The following FABP6 variants were observed in gnomAD, a reference collection of about 807,000 sequenced individuals.
FABP6 encodes the protein fatty acid binding protein 6.
A neutral mutation model predicts 14.9 loss-of-function variants in FABP6; 13 were observed. The ratio of observed to expected loss-of-function variants is 0.87; its 90% CI spans 0.57 to 1.39. The LOEUF is 1.39. Ranked by LOEUF, FABP6 falls within the 40% of genes most tolerant of loss-of-function variation. The pLI, the probability that FABP6 is intolerant of heterozygous loss-of-function variation, is 0.00. For missense variants in FABP6, 161 were observed against 167.2 expected, an observed-to-expected ratio of 0.96 and a Z score of 0.20; for synonymous variants, 75 against 63.6, an observed-to-expected ratio of 1.18 and a Z score of -0.85.
chr5:160,227,552 G>A (rs549059427), upstream of FABP6, among the ~76,000 whole-genome samples: 6 of 149,230 alleles, frequency 4.0e-5, no homozygotes, highest in African/African-American at 1.5e-4. Context: ...AAGGCATGGT[G>A]GCATGTACTT....
At chr5:160,199,285 A>C (rs890959629) in intron 2 of FABP6, 13 of 915,194 alleles carry the variant, frequency 1.4e-5, no homozygotes, top group Non-Finnish European at 1.9e-5. Context: ...CAGACTTGTC[A>C]TGGCTCCAAA....
At chr5:160,214,352 A>G (rs1759970516) in intron 3 of FABP6, among the ~76,000 whole-genome samples, 1 of 151,744 alleles carries the variant, frequency 6.6e-6, no homozygotes, top group Non-Finnish European at 1.5e-5. Flanking sequence ...TTTTGTAGAG[A>G]CACAGTCTTG....
intron 3 of FABP6, among the ~76,000 whole-genome samples, chr5:160,235,747 C>A (rs1561758156): frequency 6.6e-6 from 1 of 152,130 alleles, no homozygotes; most frequent in East Asian, 1.9e-4. Context: ...GTTTGTGTGA[C>A]CCCTTTGCTT....
intron 3 of FABP6, among the ~76,000 whole-genome samples, chr5:160,236,336 G>A (rs565808864): frequency 7.2e-5 from 11 of 152,024 alleles, no homozygotes; most frequent in Non-Finnish European, 1.5e-4. Flanking sequence ...TGTTATGAGG[G>A]CACTAATCCT....
intron 2 of FABP6, among the ~76,000 whole-genome samples, chr5:160,209,374 T>G (rs1321546951): frequency 6.6e-6 from 1 of 151,796 alleles, no homozygotes. Context: ...AAAACAAAAA[T>G]TAGTCGGGTG....
intron 3 of FABP6, among the ~76,000 whole-genome samples, chr5:160,235,265 G>A (rs979845044): frequency 6.6e-6 from 1 of 152,138 alleles, no homozygotes; most frequent in East Asian, 1.9e-4. Context: ...ATAAATAAAG[G>A]AGGTGGTCCA....
chr5:160,232,664 A>G (rs1480248452), intron 2 of FABP6, among the ~76,000 whole-genome samples: 2 of 152,106 alleles, frequency 1.3e-5, no homozygotes, highest in Admixed American at 1.3e-4. Context: ...TGGGAGGCCG[A>G]GGTGGGTGGA....
intron 3 of FABP6, among the ~76,000 whole-genome samples, chr5:160,237,531 A>G (rs973797307): frequency 1.3e-5 from 2 of 151,910 alleles, no homozygotes; most frequent in African/African-American, 2.4e-5. Flanking sequence ...GCATTTTGTA[A>G]GCATCCCTCC....
At position 160,214,754 on chromosome 5, in the gene FABP6, G is replaced by A. The variant is rs529429313; in HGVS notation, c.135+935G>A. Among the ~76,000 whole-genome samples, 7 of 151,304 alleles carry A rather than the reference G, an allele frequency of 4.6e-5. No homozygotes were observed. In the East Asian group the frequency reaches 1.2e-3, roughly 26 times the overall value. On this transcript the variant is annotated intron_variant, in intron 3 of 6. Transcript: ENST00000393980. ...GGATCACTTGAGCCCAGGAGTTCACGACCAGCATGGGCAACATAGGGAGAC... is the reference window on the plus strand; with the variant it reads ...GGATCACTTGAGCCCAGGAGTTCACAACCAGCATGGGCAACATAGGGAGAC...
At chr5:160,213,809 A>C (rs553884633) in exon 3 of FABP6, 3 of 1,613,622 alleles carry the variant, frequency 1.9e-6, no homozygotes, top group Non-Finnish European at 2.5e-6. Context: ...AAACAGACAC[A>C]TAAAGGAAAG....
chr5:160,197,944 GTGTGTGTGTATGTGTGTGTGTGTGTGTA>G (rs1223633020), intron 1 of FABP6: 3 of 147,054 alleles, frequency 2.0e-5, no homozygotes, highest in Non-Finnish European at 4.4e-5. Flanking sequence ...GTGTGTGTGT[GTGTGTGTGTATGTGTGTGTGTGTGTGTA>G]TGTGTGTGTG....
upstream of FABP6, chr5:160,229,365 T>C: frequency 7.5e-7 from 1 of 1,337,410 alleles, no homozygotes; most frequent in Non-Finnish European, 9.8e-7. Flanking sequence ...ACCTCGGGGC[T>C]CTGTCCCTCC....
At chr5:160,214,108 TTTCTTTCTTTC>T (rs1213584545) in intron 3 of FABP6, among the ~76,000 whole-genome samples, 1 of 134,070 alleles carries the variant, frequency 7.5e-6, no homozygotes, top group African/African-American at 3.0e-5. Context: ...TCTTTCTTTC[TTTCTTTCTTTC>T]TTTCTTTCTT....
rs1401737485 is a variant in FABP6, at chr5:160,238,709, T to A, written c.*50T>A. 5.1e-6 allele frequency: 8 copies of A among 1,574,766 alleles called. No individual in the cohort carries two copies. Among genetic ancestry groups the A allele is most frequent in the South Asian group, 3.3e-5 (3 of 90,200 alleles). On this transcript the variant is annotated 3_prime_UTR_variant, in exon 4 of 4. Coordinates refer to ENST00000402432, the MANE Select transcript of FABP6 (RefSeq NM_001445.3). Reference sequence around the variant, plus strand: ...TACAAACCCACCAATAAAACTGATATAAGGACAGACGCTGCTCGCTCCAGA... The same window carrying A: ...TACAAACCCACCAATAAAACTGATAAAAGGACAGACGCTGCTCGCTCCAGA...
chr5:160,234,912 G>T lies in FABP6; in HGVS notation c.333+3G>T. On this transcript the variant is annotated splice_donor_region_variant and intron_variant, in intron 3 of 3. Transcript: ENST00000402432. ...TCGTGGGTGACAAGCTGGTGGAGGT[G>T]AGTGTCATGCTGATTCCTGGGATGA... 1 of 1,609,812 alleles carries T rather than the reference G, an allele frequency of 6.2e-7. No individual in the cohort carries two copies. The highest frequency in any genetic ancestry group is 8.5e-7 in the Non-Finnish European group (1 of 1,177,742).
At position 160,200,091 on chromosome 5, in the gene FABP6, G is replaced by T. The variant is rs867730961; in HGVS notation, c.51+934G>T. ...AGCAGTGAAACTAGTGTGAAGTCTG[G>T]GTTCAAATTCCATCTCTGCTGCTTA... is the stretch of plus-strand genomic sequence containing the variant. On this transcript the variant is annotated intron_variant, in intron 2 of 6. Transcript: ENST00000393980. Among the ~76,000 whole-genome samples, 3 of 152,312 alleles carry T rather than the reference G, an allele frequency of 2.0e-5. No individual in the cohort carries two copies. In the South Asian group the frequency reaches 6.2e-4, roughly 32 times the overall value.
chr5:160,225,162 TGTC>T (rs1760216253), upstream of FABP6, among the ~76,000 whole-genome samples: 1 of 151,970 alleles, frequency 6.6e-6, no homozygotes, highest in South Asian at 2.1e-4. Context: ...GGTGGTGTGA[TGTC>T]GGCTCACTGC....
At chr5:160,236,539 C>T (rs891087929) in intron 3 of FABP6, among the ~76,000 whole-genome samples, 8 of 152,200 alleles carry the variant, frequency 5.3e-5, no homozygotes, top group Non-Finnish European at 1.2e-4. Flanking sequence ...GGCTCAGAGA[C>T]AGCAAGGGAC....
intron 2 of FABP6, chr5:160,199,210 C>G: frequency 6.3e-7 from 1 of 1,594,422 alleles, no homozygotes; most frequent in African/African-American, 1.3e-5. Flanking sequence ...AAGGATGACC[C>G]AGGTCACAGT....
Sources: allele counts gnomAD v4.1 joint callset (sites outside exome capture counted in the v4.1 genomes callset), GRCh38; gene constraint gnomAD v4.1.1; transcripts MANE v1.5; gene names NCBI Gene and HGNC (gene_info 2026-07-23, HGNC 2026-07-21).